The following PCDHA6 variants were observed in gnomAD, a reference collection of about 807,000 sequenced individuals.
PCDHA6 encodes protocadherin alpha 6.
PCDHA6 carries 55 observed loss-of-function variants against 60.3 expected under a neutral mutation model. That is an observed-to-expected ratio of 0.91 (90% CI 0.73 to 1.14). The LOEUF (loss-of-function observed/expected upper bound fraction) is 1.14, where lower values mean the gene tolerates loss of function less well. PCDHA6 is among the 50% of genes most tolerant of loss of function. PCDHA6 has a pLI of 0.00. For synonymous variants in PCDHA6, 652 were observed against 557.9 expected (o/e 1.17, Z -2.38); for missense variants, 1,327 against 1,256.5 (o/e 1.06, Z -0.85).
intron 1 of PCDHA6, among the ~76,000 whole-genome samples, chr5:140,881,799 C>A (rs368456285): frequency 3.3e-5 from 5 of 152,282 alleles, no homozygotes; most frequent in Admixed American, 2.0e-4. Flanking sequence ...TGTCCCAAAA[C>A]GAGTGTCGAA....
chr5:140,913,756 A>G (rs1184722554), intron 1 of PCDHA6, among the ~76,000 whole-genome samples: 1 of 152,072 alleles, frequency 6.6e-6, no homozygotes, highest in African/African-American at 2.4e-5. Context: ...GTTGTATCTC[A>G]TAGGTTTTGG....
At chr5:140,908,529 T>C (rs1250814293) in intron 1 of PCDHA6, among the ~76,000 whole-genome samples, 1 of 152,178 alleles carries the variant, frequency 6.6e-6, no homozygotes, top group Non-Finnish European at 1.5e-5. Flanking sequence ...AAATGTTCAG[T>C]TTCCACCAAA....
chr5:140,922,257 G>A (rs2080747240), intron 1 of PCDHA6, among the ~76,000 whole-genome samples: 5 of 152,172 alleles, frequency 3.3e-5, no homozygotes, highest in Admixed American at 3.3e-4. Context: ...AAGTTACTAA[G>A]TGCCATGAAG....
At chr5:140,882,960 C>G in intron 1 of PCDHA6, 11 of 1,614,166 alleles carry the variant, frequency 6.8e-6, no homozygotes, top group Non-Finnish European at 5.9e-6. Flanking sequence ...CTGCTCATCA[C>G]GATTCTGGAC....
intron 3 of PCDHA6, among the ~76,000 whole-genome samples, chr5:141,002,682 G>T (rs536105955): frequency 6.6e-6 from 1 of 152,140 alleles, no homozygotes; most frequent in Non-Finnish European, 1.5e-5. Flanking sequence ...CCTATACGAC[G>T]TGCAGATTTG....
intron 1 of PCDHA6, chr5:140,850,688 G>C: frequency 1.3e-6 from 2 of 1,598,504 alleles, no homozygotes; most frequent in Non-Finnish European, 1.7e-6. Flanking sequence ...CCGAGGGCGA[G>C]TGCGCGCCTG....
chr5:140,952,418 A>G (rs1563257684), intron 1 of PCDHA6, among the ~76,000 whole-genome samples: 1 of 152,090 alleles, frequency 6.6e-6, no homozygotes, highest in South Asian at 2.1e-4. Context: ...AATGTTCCGC[A>G]GATTCCTACA....
intron 1 of PCDHA6, chr5:140,850,375 A>AT (rs2041561857): frequency 6.3e-7 from 1 of 1,597,746 alleles, no homozygotes; most frequent in Non-Finnish European, 8.6e-7. Context: ...GTGGGGCTGT[A>AT]CACGGGCGAG....
chr5:140,927,342 T>TGAC (rs1554204398), intron 1 of PCDHA6: 2 of 1,614,160 alleles, frequency 1.2e-6, no homozygotes, highest in Admixed American at 3.3e-5. Flanking sequence ...ATGCCCAAGA[T>TGAC]GACGACGAGG....
At chr5:140,843,344 G>T in intron 1 of PCDHA6, 1 of 1,596,078 alleles carries the variant, frequency 6.3e-7, no homozygotes, top group Non-Finnish European at 8.6e-7. Flanking sequence ...GAGCGGCCAG[G>T]CTCCAAAAGC....
intron 1 of PCDHA6, among the ~76,000 whole-genome samples, chr5:140,900,475 C>G (rs2153470131): frequency 6.6e-6 from 1 of 152,298 alleles, no homozygotes; most frequent in East Asian, 1.9e-4. Flanking sequence ...CGGAGTTTCT[C>G]CATGTTGGTC....
At chr5:140,854,883 G>A (rs1356000756) in intron 1 of PCDHA6, among the ~76,000 whole-genome samples, 2 of 149,592 alleles carry the variant, frequency 1.3e-5, no homozygotes, top group Admixed American at 1.3e-4. Flanking sequence ...TGTCTTTTGG[G>A]CATTTGAAAA....
intron 1 of PCDHA6, chr5:140,835,699 C>T: frequency 1.9e-6 from 3 of 1,613,916 alleles, no homozygotes; most frequent in African/African-American, 2.7e-5. Context: ...TGGGCCACTG[C>T]TAGCGTGTCC....
rs1554148289 is a variant in PCDHA6, at chr5:140,856,164, G to A, written c.2394+25679G>A. 5.0e-6 allele frequency: 8 copies of A among 1,598,390 alleles called. 1 individual carries two copies. Among genetic ancestry groups the A allele is most frequent in the Non-Finnish European group, 6.8e-6 (8 of 1,167,930 alleles). On this transcript the variant is annotated intron_variant, in intron 1 of 3. Coordinates refer to ENST00000529310, the MANE Select transcript of PCDHA6 (RefSeq NM_018909.4). ...CACTACTCAGTCTACGAGGAGGCCA[G>A]ACACGGCACCTTCGTGGGCCGCATC...
chr5:140,881,655 C>T (rs1336529643), intron 1 of PCDHA6, among the ~76,000 whole-genome samples: 1 of 152,120 alleles, frequency 6.6e-6, no homozygotes, highest in Non-Finnish European at 1.5e-5. Flanking sequence ...TCACCTTCAC[C>T]GATTTTATTC....
At chr5:140,851,199 C>T in intron 1 of PCDHA6, 2 of 1,195,966 alleles carry the variant, frequency 1.7e-6, no homozygotes, top group Non-Finnish European at 2.1e-6. Context: ...AGTTGTTAGT[C>T]ATTCATTAAA....
chr5:140,899,548 T>C (rs1452628026), intron 1 of PCDHA6, among the ~76,000 whole-genome samples: 5 of 152,214 alleles, frequency 3.3e-5, no homozygotes, highest in African/African-American at 1.2e-4. Flanking sequence ...TCATGGTGGA[T>C]AAGCTTTTTG....
chr5:140,857,687 A>C, intron 1 of PCDHA6: 1 of 1,597,130 alleles, frequency 6.3e-7, no homozygotes, highest in South Asian at 1.1e-5. Context: ...TCTGGGCAGC[A>C]ACTTGACGCT....
In PCDHA6 at chr5:140,876,910, T is replaced by C. The variant is rs184817309; in HGVS notation, c.2394+46425T>C. On this transcript the variant is annotated intron_variant, in intron 1 of 3. Transcript: ENST00000529310. ...CTGCCACATCTTCACGGTGTCGGCA[T>C]GGGACGCGGACGCGCAGAAGAACGC... 5 of 1,613,976 alleles carry C rather than the reference T, an allele frequency of 3.1e-6. No individual in the cohort carries two copies. In the African/African-American group the frequency reaches 4.0e-5, roughly 13 times the overall value.
Sources: allele counts gnomAD v4.1 joint callset (sites outside exome capture counted in the v4.1 genomes callset), GRCh38; gene constraint gnomAD v4.1.1; transcripts MANE v1.5; gene names NCBI Gene and HGNC (gene_info 2026-07-23, HGNC 2026-07-21).